Variants in MRPL19 observed in about 807,000 individuals in gnomAD.
MRPL19 encodes large ribosomal subunit protein bL19m.
A neutral mutation model predicts 34.0 loss-of-function variants in MRPL19; 31 were observed. The observed-to-expected ratio is 0.91, with a 90% CI of 0.68 to 1.23. MRPL19 has a LOEUF of 1.23. Ranked by LOEUF, MRPL19 falls within the 50% of genes most tolerant of loss-of-function variation. The pLI is 0.00. For missense variants in MRPL19, 384 were observed against 367.6 expected, an observed-to-expected ratio of 1.04 and a Z score of -0.37; for synonymous variants, 152 against 127.7, an observed-to-expected ratio of 1.19 and a Z score of -1.28.
chr2:75,653,326 C>T (rs558061172), intron 4 of MRPL19, among the ~76,000 whole-genome samples: 43 of 152,284 alleles, frequency 2.8e-4, no homozygotes, highest in Non-Finnish European at 5.6e-4. Flanking sequence ...GTGGGCTGTG[C>T]GTGCAGGAAT....
chr2:75,652,300 A>G (rs758044208), intron 3 of MRPL19, 40 bp downstream of exon 3: 1 of 1,414,152 alleles, frequency 7.1e-7, no homozygotes, highest in Non-Finnish European at 9.8e-7. Context: ...AGTAATTAGG[A>G]TGGCTAGTTT....
rs1573027398 is a variant in MRPL19, at chr2:75,652,337, A to C, written c.340+77A>C. On this transcript the variant is annotated intron_variant, in intron 3 of 5. Coordinates refer to ENST00000393909, the MANE Select transcript of MRPL19 (RefSeq NM_014763.4). ...TGATTGGATGGTTAGTTTTCTTAAAAAGCAAAAGAAGATTGTTTTTTACAT... is the reference window on the plus strand; with the variant it reads ...TGATTGGATGGTTAGTTTTCTTAAACAGCAAAAGAAGATTGTTTTTTACAT... 4 of 1,331,280 alleles carry C rather than the reference A, an allele frequency of 3.0e-6. No individual in the cohort carries two copies. In the East Asian group the frequency reaches 9.2e-5, roughly 31 times the overall value. The allele number at this position is 1,331,280 out of a possible 1,614,324, so 82.5% of individuals were successfully genotyped here. A position where few individuals can be genotyped will look rare whatever the true frequency, so the allele number is the denominator to read the frequency against.
chr2:75,647,117 C>T lies in MRPL19; in HGVS notation c.119C>T (p.Pro40Leu). 1.3e-6 allele frequency: 2 copies of T among 1,586,814 alleles called. No individual in the cohort carries two copies. The highest frequency in any genetic ancestry group is 1.7e-6 in the Non-Finnish European group (2 of 1,166,034). Residue 40 changes from proline to leucine, a missense_variant, in exon 2 of 6, where the codon CCT becomes CTT. Transcript: ENST00000393909. ...GCTCCCGCAGGGGTCCACGCGGGGC[C>T]TGTCCGGCAGCAGAGCACTGGGCCT... ...ASIACRVHAG[P>L]VRQQSTGPSE...
At position 75,647,091 on chromosome 2, in the gene MRPL19, C is replaced by T. The variant is rs542131299; in HGVS notation, c.104-11C>T. The stretch of plus-strand genomic sequence containing the variant: ...CACGAGAGTTCTGACCTCCGTCGTC[C>T]GCTCCCGCAGGGGTCCACGCGGGGC... On this transcript the variant is annotated splice_polypyrimidine_tract_variant and intron_variant, in intron 1 of 5. Transcript: ENST00000393909. The T allele has an allele frequency of 1.9e-6, 3 of 1,574,158 alleles. No individual in the cohort carries two copies. The highest frequency in any genetic ancestry group is 1.8e-5 in the Admixed American group (1 of 55,256).
In MRPL19 at chr2:75,658,526, G is replaced by C. The variant is rs1203473638; in HGVS notation, c.*3241G>C. On this transcript the variant is annotated 3_prime_UTR_variant, in exon 6 of 6. Coordinates refer to ENST00000393909, the MANE Select transcript of MRPL19 (RefSeq NM_014763.4). ...TTCTTTTGGGTATACATCTTGAGTA[G>C]AATTGCTAGATAATGTCATGTTTTA... is the stretch of plus-strand genomic sequence containing the variant. Among the ~76,000 whole-genome samples, 2 of 152,094 alleles carry C rather than the reference G, an allele frequency of 1.3e-5. No homozygotes were observed. The highest frequency in any genetic ancestry group is 4.8e-5 in the African/African-American group (2 of 41,420).
Position 75,660,083 on chromosome 2 carries a change from C to CT in MRPL19, c.*4803dup, listed in dbSNP as rs914997553. ...AGACTTGATTATTGCAGTTGCCCTT[C>CT]TTTTTATTTTTTTCAAGTTTGTTGA... is the stretch of plus-strand genomic sequence containing the variant. On this transcript the variant is annotated 3_prime_UTR_variant, in exon 6 of 6. Transcript: ENST00000393909. Among the ~76,000 whole-genome samples the CT allele has an allele frequency of 6.6e-6, 1 of 151,870 alleles. No homozygotes were observed. Among genetic ancestry groups the CT allele is most frequent in the African/African-American group, 2.4e-5 (1 of 41,354 alleles).
At chr2:75,649,189 A>G (rs17689640) in intron 2 of MRPL19, among the ~76,000 whole-genome samples, 90,954 of 152,128 alleles carry the variant, frequency 0.6, 27,467 homozygotes, top group East Asian at 0.74. Context: ...CAAAGTTGGA[A>G]AAAAGTCCTA....
At position 75,654,935 on chromosome 2, in the gene MRPL19, G is replaced by C. The variant is rs759470608; in HGVS notation, c.657+18G>C. On this transcript the variant is annotated intron_variant, in intron 5 of 5. Coordinates refer to ENST00000393909, the MANE Select transcript of MRPL19 (RefSeq NM_014763.4). The stretch of plus-strand genomic sequence containing the variant: ...TTAATGAGGTATGGGTTATACATTT[G>C]AAACTAGAAGTTCAAGTATAAAATA... The C allele has an allele frequency of 1.3e-6, 2 of 1,571,828 alleles. No individual in the cohort carries two copies. Among genetic ancestry groups the C allele is most frequent in the Non-Finnish European group, 1.7e-6 (2 of 1,162,994 alleles).
chr2:75,653,757 T>A (rs1003612137), intron 4 of MRPL19, among the ~76,000 whole-genome samples: 2 of 152,246 alleles, frequency 1.3e-5, no homozygotes, highest in Admixed American at 6.5e-5. Context: ...TCTATTTGGA[T>A]GTCTTACCAG....
At position 75,654,079 on chromosome 2, in the gene MRPL19, C is replaced by T. The variant is rs538734801; in HGVS notation, c.476-657C>T. Among the ~76,000 whole-genome samples, 4 of 152,242 alleles carry T rather than the reference C, an allele frequency of 2.6e-5. No homozygotes were observed. In the South Asian group the frequency reaches 8.3e-4, roughly 32 times the overall value. On this transcript the variant is annotated intron_variant, in intron 4 of 5. Coordinates refer to ENST00000393909, the MANE Select transcript of MRPL19 (RefSeq NM_014763.4). ...TACAGGCTGGGTAATTTAGAAAGAA[C>T]AGAAATTTATTTCTCACAGTTCGGG...
At chr2:75,648,388 C>T (rs540867661) in intron 2 of MRPL19, among the ~76,000 whole-genome samples, 10 of 152,152 alleles carry the variant, frequency 6.6e-5, no homozygotes, top group Admixed American at 2.6e-4. Flanking sequence ...AATTTAGAGG[C>T]AGCCTAGATA....
In MRPL19 at chr2:75,652,577, A is replaced by G; in HGVS notation, c.395A>G (p.Gln132Arg). 1 of 1,613,856 alleles carries G rather than the reference A, an allele frequency of 6.2e-7. No individual in the cohort carries two copies. Among genetic ancestry groups the G allele is most frequent in the Non-Finnish European group, 8.5e-7 (1 of 1,179,778 alleles). The part of the protein sequence containing the change: ...ADPYASGKIS[Q>R]FLGICIQRSG... ...CCATATGCCAGTGGAAAAATCAGCC[A>G]GTTTCTGGGGATTTGCATTCAGAGA... is the stretch of plus-strand genomic sequence containing the variant. The change falls in exon 4 of 6, where the codon CAG (glutamine) becomes CGG (arginine). Residue 132 changes from glutamine (Q) to arginine (R), a missense_variant. Physicochemically the swap from Gln to Arg is conservative, Grantham distance 43. Coordinates refer to ENST00000393909, the MANE Select transcript of MRPL19 (RefSeq NM_014763.4).
In MRPL19 at chr2:75,656,083, A is replaced by G. The variant is rs532022658; in HGVS notation, c.*798A>G. 4 of 152,314 alleles carry G rather than the reference A, an allele frequency of 2.6e-5. No individual in the cohort carries two copies. The South Asian group carries it at 8.3e-4, about 32-fold the overall frequency. The allele number at this position is 152,314 out of a possible 1,614,324, so 9.4% of individuals were successfully genotyped here. ...GAAGGCTCACCACAAGGTATCTGGC[A>G]GGATTATACTGGGTAGCTGGATGTT... On this transcript the variant is annotated 3_prime_UTR_variant, in exon 6 of 6. Transcript: ENST00000393909.
chr2:75,648,715 A>T (rs569175448), intron 2 of MRPL19, among the ~76,000 whole-genome samples: 1 of 152,168 alleles, frequency 6.6e-6, no homozygotes, highest in African/African-American at 2.4e-5. Flanking sequence ...AAAAAAAAAA[A>T]AAAATTAGCC....
At chr2:75,654,682 CAT>C (rs1678399783) in intron 4 of MRPL19, 52 bp from the exon 5 acceptor site, 3 of 1,520,662 alleles carry the variant, frequency 2.0e-6, no homozygotes, top group Non-Finnish European at 2.7e-6. Context: ...CAGTATGAAA[CAT>C]GTATAGGAAC....
intron 2 of MRPL19, 163 bp downstream of exon 2, chr2:75,647,382 C>T (rs993977006): frequency 3.1e-6 from 2 of 645,724 alleles, no homozygotes; most frequent in South Asian, 2.0e-5. Flanking sequence ...TTCTTTCTCA[C>T]TTCTCCCCAA....
chr2:75,655,437 G>A lies in MRPL19; in HGVS notation c.*152G>A. On this transcript the variant is annotated 3_prime_UTR_variant, in exon 6 of 6. Transcript: ENST00000393909. ...ATACTTTTTTTCTAAAATAAAACTT[G>A]TACACCAGTTTATTACTCTAAAAAG... 1.6e-6 allele frequency: 1 copy of A among 623,794 alleles called. No individual in the cohort carries two copies. Among genetic ancestry groups the A allele is most frequent in the Non-Finnish European group, 2.7e-6 (1 of 369,956 alleles). The allele number at this position is 623,794 out of a possible 1,614,324, so 38.6% of individuals were successfully genotyped here.
intron 4 of MRPL19, among the ~76,000 whole-genome samples, chr2:75,652,892 G>T (rs529210299): frequency 3.3e-5 from 5 of 152,322 alleles, no homozygotes; most frequent in African/African-American, 1.2e-4. Flanking sequence ...GTCATTAGAA[G>T]TAGACTTTGC....
intron 2 of MRPL19, among the ~76,000 whole-genome samples, chr2:75,649,390 T>C (rs1678283783): frequency 6.6e-6 from 1 of 152,176 alleles, no homozygotes; most frequent in South Asian, 2.1e-4. Context: ...TAAACTTTCT[T>C]AAAACATATG....
Sources: allele counts gnomAD v4.1 joint callset (sites outside exome capture counted in the v4.1 genomes callset), GRCh38; gene constraint gnomAD v4.1.1; transcripts MANE v1.5; gene names NCBI Gene and HGNC (gene_info 2026-07-23, HGNC 2026-07-21).